Variants in HS3ST3A1 observed in about 807,000 individuals in gnomAD.
HS3ST3A1 encodes the protein heparan sulfate glucosamine 3-O-sulfotransferase 3A1.
Under a neutral mutation model 25.7 loss-of-function variants are expected in HS3ST3A1, and 19 were observed. The ratio of observed to expected loss-of-function variants is 0.74; its 90% CI spans 0.52 to 1.08. The LOEUF (loss-of-function observed/expected upper bound fraction) is 1.08, where lower values mean the gene tolerates loss of function less well. HS3ST3A1 is among the 50% of genes least tolerant of loss of function. The pLI is 0.00. For synonymous variants in HS3ST3A1, 226 were observed against 278.6 expected, an observed-to-expected ratio of 0.81 and a Z score of 1.88; for missense variants, 459 against 594.3, an observed-to-expected ratio of 0.77 and a Z score of 2.37.
At chr17:13,500,334 T>C (rs141926073) in intron 1 of HS3ST3A1, among the ~76,000 whole-genome samples, 1,618 of 152,308 alleles carry the variant, frequency 0.011, 16 homozygotes, top group Middle Eastern at 0.037. Context: ...ACCTAACACT[T>C]TTAATGGCAA....
intron 1 of HS3ST3A1, among the ~76,000 whole-genome samples, chr17:13,538,630 G>A (rs528662500): frequency 2.0e-5 from 3 of 152,210 alleles, no homozygotes; most frequent in Admixed American, 1.3e-4. Context: ...AGAACATTAA[G>A]AGACTCAGGC....
rs1439836920 is a variant in HS3ST3A1 at position 13,495,247 on chromosome 17, G to GA, written c.*949dup. On this transcript the variant is annotated 3_prime_UTR_variant, in exon 2 of 2. Transcript: ENST00000284110. ...GCTGGCCACCTTGTCCTCCATGCAA[G>GA]AATCCAATAATTCCTCTCCAATTCA... Among the ~76,000 whole-genome samples, 10 of 152,106 alleles carry GA rather than the reference G, an allele frequency of 6.6e-5. No individual in the cohort carries two copies. The East Asian group carries it at 1.9e-3, about 29-fold the overall frequency.
At chr17:13,566,374 C>A (rs921070978) in intron 1 of HS3ST3A1, among the ~76,000 whole-genome samples, 1 of 152,074 alleles carries the variant, frequency 6.6e-6, no homozygotes, top group South Asian at 2.1e-4. Flanking sequence ...ACCAGCTATC[C>A]CCCATTTCTC....
chr17:13,539,286 G>A (rs1287910652), intron 1 of HS3ST3A1, among the ~76,000 whole-genome samples: 1 of 152,192 alleles, frequency 6.6e-6, no homozygotes, highest in Non-Finnish European at 1.5e-5. Flanking sequence ...AAATCCAAGT[G>A]GAGTGAACAT....
chr17:13,557,104 CA>C (rs775723342), intron 1 of HS3ST3A1, among the ~76,000 whole-genome samples: 1 of 152,162 alleles, frequency 6.6e-6, no homozygotes, highest in Non-Finnish European at 1.5e-5. Context: ...AGGATACATA[CA>C]AAGCAAACAT....
At chr17:13,505,102 A>G (rs984153020) in intron 1 of HS3ST3A1, among the ~76,000 whole-genome samples, 1 of 152,230 alleles carries the variant, frequency 6.6e-6, no homozygotes, top group Non-Finnish European at 1.5e-5. Flanking sequence ...GTATGCTGAC[A>G]TGTTCACAAT....
chr17:13,566,954 G>A (rs1907690934), intron 1 of HS3ST3A1, among the ~76,000 whole-genome samples: 1 of 152,222 alleles, frequency 6.6e-6, no homozygotes, highest in Non-Finnish European at 1.5e-5. Flanking sequence ...TGATGAAGGT[G>A]GCTACACCAA....
At chr17:13,542,769 C>T (rs1906971903) in intron 1 of HS3ST3A1, among the ~76,000 whole-genome samples, 2 of 152,104 alleles carry the variant, frequency 1.3e-5, no homozygotes, top group Admixed American at 6.5e-5. Context: ...TGGATAGCCT[C>T]AGGATGGGGG....
chr17:13,584,361 G>GA (rs1908190462), intron 1 of HS3ST3A1, among the ~76,000 whole-genome samples: 1 of 151,296 alleles, frequency 6.6e-6, no homozygotes, highest in South Asian at 2.1e-4. Context: ...ATGGCTACGT[G>GA]TGTTTAATCA....
chr17:13,538,297 G>C lies in HS3ST3A1; in HGVS notation c.600-41479C>G, dbSNP rs572286781. On this transcript the variant is annotated intron_variant, in intron 1 of 1. Coordinates refer to ENST00000284110, the MANE Select transcript of HS3ST3A1 (RefSeq NM_006042.3). Reference sequence around the variant, plus strand: ...AATTTATTTCAGAATTGACTGAAATGGCTCAATTACTGACTGACTCCAAGC... The same window carrying C: ...AATTTATTTCAGAATTGACTGAAATCGCTCAATTACTGACTGACTCCAAGC... Among the ~76,000 whole-genome samples, 6 of 152,278 alleles carry C rather than the reference G, an allele frequency of 3.9e-5. No individual in the cohort carries two copies. The South Asian group carries it at 1.2e-3, about 32-fold the overall frequency.
chr17:13,573,378 A>C (rs1034023120), intron 1 of HS3ST3A1, among the ~76,000 whole-genome samples: 8 of 152,148 alleles, frequency 5.3e-5, no homozygotes, highest in Non-Finnish European at 8.8e-5. Context: ...GTCTCATGGA[A>C]GGTTCCACCT....
chr17:13,565,270 GC>G (rs1415875056), intron 1 of HS3ST3A1, among the ~76,000 whole-genome samples: 1 of 152,080 alleles, frequency 6.6e-6, no homozygotes, highest in African/African-American at 2.4e-5. Flanking sequence ...AGGCGCAGTT[GC>G]CCCTGCCTAT....
At chr17:13,596,142 T>G (rs377546789) in intron 1 of HS3ST3A1, among the ~76,000 whole-genome samples, 5 of 152,150 alleles carry the variant, frequency 3.3e-5, no homozygotes, top group Non-Finnish European at 7.4e-5. Context: ...AGTCTGTGAA[T>G]TTCACATAAA....
chr17:13,595,261 G>C (rs1908544135), intron 1 of HS3ST3A1, among the ~76,000 whole-genome samples: 1 of 152,182 alleles, frequency 6.6e-6, no homozygotes, highest in Non-Finnish European at 1.5e-5. Context: ...ACTGGGGAAA[G>C]GCTTCCATTC....
At chr17:13,592,580 C>T (rs1269926871) in intron 1 of HS3ST3A1, among the ~76,000 whole-genome samples, 3 of 152,050 alleles carry the variant, frequency 2.0e-5, no homozygotes, top group Admixed American at 1.3e-4. Flanking sequence ...GCAGTCTATC[C>T]CTTGCACGAA....
rs1905212998 is a variant in HS3ST3A1, at chr17:13,494,279, C to G, written c.*1918G>C. 6.6e-6 allele frequency among the ~76,000 whole-genome samples: 1 copy of G among 152,138 alleles called. No individual in the cohort carries two copies. Among genetic ancestry groups the G allele is most frequent in the Admixed American group, 6.5e-5 (1 of 15,274 alleles). On this transcript the variant is annotated 3_prime_UTR_variant, in exon 2 of 2. Coordinates refer to ENST00000284110, the MANE Select transcript of HS3ST3A1 (RefSeq NM_006042.3). ...GGCACTGGGAAATTGAGAGCATAGACATGAAGGAAATCAACTGAAAAAAGG... is the reference window on the plus strand; with the variant it reads ...GGCACTGGGAAATTGAGAGCATAGAGATGAAGGAAATCAACTGAAAAAAGG...
intron 1 of HS3ST3A1, among the ~76,000 whole-genome samples, chr17:13,590,075 C>G (rs895244775): frequency 6.6e-6 from 1 of 152,192 alleles, no homozygotes; most frequent in Middle Eastern, 3.4e-3. Context: ...TCTGAACACT[C>G]GAGAGAGAAA....
At chr17:13,565,680 G>T (rs373055099) in intron 1 of HS3ST3A1, among the ~76,000 whole-genome samples, 1 of 152,150 alleles carries the variant, frequency 6.6e-6, no homozygotes, top group Non-Finnish European at 1.5e-5. Flanking sequence ...GTCACAGCTC[G>T]TTTGGATGGA....
chr17:13,589,039 T>C (rs987889704), intron 1 of HS3ST3A1, among the ~76,000 whole-genome samples: 4 of 152,246 alleles, frequency 2.6e-5, no homozygotes, highest in Admixed American at 6.5e-5. Flanking sequence ...ACTCCAGCTG[T>C]GGATTGTCTA....
Sources: gnomAD v4.1 joint callset for allele counts (sites outside exome capture counted in the v4.1 genomes callset) on GRCh38, gnomAD v4.1.1 for gene constraint, MANE v1.5 for transcripts, NCBI Gene and HGNC (gene_info 2026-07-23, HGNC 2026-07-21) for gene names.